RHOT1: variants seen among roughly 807,000 people sequenced by gnomAD.
RHOT1 encodes mitochondrial Rho GTPase 1.
Under a neutral mutation model 95.3 loss-of-function variants are expected in RHOT1, and 27 were observed. That is an observed-to-expected ratio of 0.28 (90% CI 0.21 to 0.39). The LOEUF (loss-of-function observed/expected upper bound fraction) is 0.39, where lower values mean the gene tolerates loss of function less well. RHOT1 is among the 10% of genes least tolerant of loss of function. RHOT1 has a pLI of 1.00. For missense variants in RHOT1, 578 were observed against 786.7 expected (o/e 0.73, Z 3.17); for synonymous variants, 227 against 263.5 (o/e 0.86, Z 1.34).
intron 19 of RHOT1, among the ~76,000 whole-genome samples, chr17:32,223,853 G>A (rs887353470): frequency 6.6e-6 from 1 of 152,144 alleles, no homozygotes; most frequent in Non-Finnish European, 1.5e-5. Context: ...AGACTCTTGA[G>A]GGTACTTACT....
intron 17 of RHOT1, 144 bp from the exon 18 acceptor site, chr17:32,207,963 T>A (rs996773898): frequency 1.5e-6 from 1 of 658,372 alleles, no homozygotes; most frequent in African/African-American, 1.8e-5. Context: ...CCTAGACCAC[T>A]GCCAATCTTT....
chr17:32,170,914 T>C (rs895912273), intron 1 of RHOT1, 129 bp from the exon 2 acceptor site: 1 of 560,672 alleles, frequency 1.8e-6, no homozygotes, highest in Non-Finnish European at 3.2e-6. Context: ...TTAAGTATTA[T>C]ACTAAAACTT....
intron 1 of RHOT1, among the ~76,000 whole-genome samples, chr17:32,154,362 C>A (rs1232613623): frequency 6.7e-6 from 1 of 150,130 alleles, no homozygotes; most frequent in African/African-American, 2.5e-5. Flanking sequence ...GGGCAGATCA[C>A]GAGGTCAGGA....
chr17:32,151,005 T>C (rs1487557668), intron 1 of RHOT1: 10 of 1,518,450 alleles, frequency 6.6e-6, no homozygotes, highest in Non-Finnish European at 9.0e-6. Context: ...CGCCGGTTCC[T>C]AAACCAAACC....
At chr17:32,157,171 T>A (rs1040946542) in intron 1 of RHOT1, among the ~76,000 whole-genome samples, 2 of 152,228 alleles carry the variant, frequency 1.3e-5, no homozygotes, top group Non-Finnish European at 2.9e-5. Context: ...TACCAATCAT[T>A]TGAAGCTCCC....
chr17:32,164,512 G>A lies in RHOT1; in HGVS notation c.38-6531G>A, dbSNP rs567179215. Among the ~76,000 whole-genome samples the A allele has an allele frequency of 5.3e-5, 8 of 152,076 alleles. No individual in the cohort carries two copies. In the South Asian group the frequency reaches 8.3e-4, roughly 16 times the overall value. ...CTCCCAAAGTGCTAGAATTACAGGC[G>A]TGAGCCACCGTGCCCAGACTAACAT... On this transcript the variant is annotated intron_variant, in intron 1 of 19. Transcript: ENST00000545287.
intron 8 of RHOT1, among the ~76,000 whole-genome samples, chr17:32,190,542 T>C (rs149239658): frequency 2.6e-4 from 40 of 152,336 alleles, no homozygotes; most frequent in African/African-American, 9.1e-4. Flanking sequence ...GAAAAATCAC[T>C]TAGACAAAAT....
chr17:32,154,735 AT>A (rs991790947), intron 1 of RHOT1, among the ~76,000 whole-genome samples: 11 of 151,838 alleles, frequency 7.2e-5, no homozygotes, highest in African/African-American at 2.7e-4. Flanking sequence ...TTTACTAAAA[AT>A]ACAAAAAAAT....
At chr17:32,169,389 A>C (rs535202052) in intron 1 of RHOT1, among the ~76,000 whole-genome samples, 1 of 152,356 alleles carries the variant, frequency 6.6e-6, no homozygotes, top group East Asian at 1.9e-4. Context: ...ACGGGAATAC[A>C]AGTCAAATTT....
chr17:32,149,888 A>C (rs1019498491), intron 1 of RHOT1, among the ~76,000 whole-genome samples: 1 of 151,780 alleles, frequency 6.6e-6, no homozygotes, highest in African/African-American at 2.4e-5. Context: ...AGCTGGGATT[A>C]TAGGCATGTG....
At chr17:32,183,426 A>G (rs1449047254) in intron 8 of RHOT1, among the ~76,000 whole-genome samples, 154 bp downstream of exon 8, 3 of 152,212 alleles carry the variant, frequency 2.0e-5, no homozygotes, top group Non-Finnish European at 4.4e-5. Flanking sequence ...ACTCTTCTTC[A>G]ATGACATTCA....
chr17:32,209,525 A>G (rs2037983565), intron 18 of RHOT1: 3 of 835,816 alleles, frequency 3.6e-6, no homozygotes, highest in Admixed American at 4.3e-5. Context: ...CTTTCTTGCC[A>G]TAATTAACAT....
At position 32,142,653 on chromosome 17, in the gene RHOT1, C is replaced by T. The variant is rs879422634; in HGVS notation, c.-40C>T. ...TGCTCCTGGTGAGAGGAGTCCACTC[C>T]GTGCGTGCGGGCGGAGGCCGGCCCC... On this transcript the variant is annotated 5_prime_UTR_variant, in exon 1 of 20. Transcript: ENST00000545287. 9.4e-5 allele frequency: 143 copies of T among 1,514,070 alleles called. No homozygotes were observed. In the Middle Eastern group the frequency reaches 1.2e-3, roughly 12 times the overall value. 93.8% of individuals were successfully genotyped at this position (1,514,070 alleles called of 1,614,324 possible).
chr17:32,157,258 A>G (rs1264157703), intron 1 of RHOT1, among the ~76,000 whole-genome samples: 2 of 152,168 alleles, frequency 1.3e-5, no homozygotes, highest in African/African-American at 4.8e-5. Flanking sequence ...GCTCCTAACC[A>G]CCAAGCTATA....
chr17:32,153,974 T>C (rs2032629575), intron 1 of RHOT1, among the ~76,000 whole-genome samples: 1 of 152,136 alleles, frequency 6.6e-6, no homozygotes, highest in African/African-American at 2.4e-5. Context: ...GAGCTCTGTC[T>C]GCTGTGTATT....
At chr17:32,222,772 A>G (rs301342) in intron 19 of RHOT1, 763,202 of 775,932 alleles carry the variant, frequency 0.98, 375,350 homozygotes, top group East Asian at 1. Context: ...AAGAGCCCGG[A>G]TAGCTGAGTG....
chr17:32,186,428 A>G (rs2036057872), intron 8 of RHOT1, among the ~76,000 whole-genome samples: 1 of 150,906 alleles, frequency 6.6e-6, no homozygotes, highest in South Asian at 2.1e-4. Context: ...CAGTGGCACA[A>G]TCTCGGCTCA....
intron 8 of RHOT1, among the ~76,000 whole-genome samples, chr17:32,184,064 A>G (rs1173650597): frequency 6.6e-6 from 1 of 152,246 alleles, no homozygotes; most frequent in East Asian, 1.9e-4. Context: ...TAGACATTGA[A>G]AAACTAAATT....
chr17:32,195,695 C>T (rs973680800), intron 11 of RHOT1, among the ~76,000 whole-genome samples: 4 of 152,280 alleles, frequency 2.6e-5, no homozygotes, highest in African/African-American at 7.2e-5. Flanking sequence ...TTTACTTCTC[C>T]GTTATTGAGG....
Sources: gnomAD v4.1 joint callset for allele counts (sites outside exome capture counted in the v4.1 genomes callset) on GRCh38, gnomAD v4.1.1 for gene constraint, MANE v1.5 for transcripts, NCBI Gene and HGNC (gene_info 2026-07-23, HGNC 2026-07-21) for gene names.